KAT14: variants seen among roughly 807,000 people sequenced by gnomAD.
KAT14 encodes the protein lysine acetyltransferase 14, also known as cysteine-rich protein 2-binding protein.
KAT14 carries 66 observed loss-of-function variants against 78.4 expected under a neutral mutation model. The ratio of observed to expected loss-of-function variants is 0.84; its 90% CI spans 0.69 to 1.03. The LOEUF (loss-of-function observed/expected upper bound fraction) is 1.03. Ranked by LOEUF, KAT14 falls within the 50% of genes least tolerant of loss-of-function variation. KAT14 has a pLI of 0.00. For synonymous variants in KAT14, 344 were observed against 359.4 expected, an observed-to-expected ratio of 0.96 and a Z score of 0.48; for missense variants, 870 against 972.5, an observed-to-expected ratio of 0.89 and a Z score of 1.40.
rs201858697 is a variant in KAT14, at chr20:18,143,615, A to ATTTTTTTTTTTTTTTTTTTTTT, written c.259+707_259+708insTTTTTTTTTTTTTTTTTTTTTT. Among the ~76,000 whole-genome samples, 3 of 103,998 alleles carry ATTTTTTTTTTTTTTTTTTTTTT rather than the reference A, an allele frequency of 2.9e-5. 1 individual carries two copies. Among genetic ancestry groups the ATTTTTTTTTTTTTTTTTTTTTT allele is most frequent in the African/African-American group, 3.6e-5 (1 of 27,488 alleles). The allele number at this position is 103,998 out of a possible 152,430, so 68.2% of individuals were successfully genotyped here. ...TAGTGTTTGCCAGCACACCTGGCTA[A>ATTTTTTTTTTTTTTTTTTTTTT]TTTTTTTTTTTATTTTATTTTTTTT... On this transcript the variant is annotated intron_variant, in intron 2 of 10. Coordinates refer to ENST00000688188, the MANE Select transcript of KAT14 (RefSeq NM_001392073.1).
chr20:18,175,798 C>T (rs1044245522), intron 7 of KAT14, among the ~76,000 whole-genome samples: 1 of 151,578 alleles, frequency 6.6e-6, no homozygotes, highest in African/African-American at 2.4e-5. Context: ...GCAGGCAGAT[C>T]ACTTGAGCTC....
At chr20:18,146,513 G>A (rs922177166) in intron 3 of KAT14, among the ~76,000 whole-genome samples, 1 of 152,140 alleles carries the variant, frequency 6.6e-6, no homozygotes, top group African/African-American at 2.4e-5. Context: ...TACAAAATTA[G>A]CTGGGTGCGG....
intron 1 of KAT14, among the ~76,000 whole-genome samples, chr20:18,140,166 G>A (rs2037475513): frequency 6.6e-6 from 1 of 151,146 alleles, no homozygotes; most frequent in Admixed American, 6.6e-5. Context: ...TGATTCTGGT[G>A]AATGGTGTGG....
chr20:18,178,112 A>AAC (rs777378380), intron 7 of KAT14, among the ~76,000 whole-genome samples: 1,282 of 115,034 alleles, frequency 0.011, 8 homozygotes, highest in Non-Finnish European at 0.015. Flanking sequence ...TATCTCAAAA[A>AAC]AAAAACAAAA....
intron 1 of KAT14, among the ~76,000 whole-genome samples, chr20:18,141,113 A>G (rs533015701): frequency 1.9e-4 from 27 of 144,864 alleles, no homozygotes; most frequent in Non-Finnish European, 3.1e-4. Flanking sequence ...TTCTGAGCTC[A>G]AGCAGTCTGC....
chr20:18,140,671 G>C (rs2037500115), intron 1 of KAT14, among the ~76,000 whole-genome samples: 2 of 151,838 alleles, frequency 1.3e-5, no homozygotes, highest in South Asian at 4.2e-4. Flanking sequence ...AATTAGCCAG[G>C]CCTGGTGGCG....
intron 7 of KAT14, among the ~76,000 whole-genome samples, chr20:18,174,704 C>T (rs2146493207): frequency 6.7e-6 from 1 of 149,136 alleles, no homozygotes; most frequent in East Asian, 2.0e-4. Context: ...ACTGTTGTCG[C>T]CCAGGCTGGA....
At chr20:18,144,400 G>T (rs1262521943) in intron 2 of KAT14, among the ~76,000 whole-genome samples, 3 of 152,134 alleles carry the variant, frequency 2.0e-5, no homozygotes, top group Admixed American at 2.0e-4. Flanking sequence ...TTTGCAGTTA[G>T]GGTGAACTTA....
Position 18,162,065 on chromosome 20 carries a change from A to AT in KAT14, c.927dup (p.Asp310Ter), listed in dbSNP as rs2038447822. 6.2e-7 allele frequency: 1 copy of AT among 1,614,200 alleles called. No individual in the cohort carries two copies. The highest frequency in any genetic ancestry group is 1.7e-5 in the Admixed American group (1 of 60,018). ...TGTGATTCTGGAAAAAGGCGAAGTGATTGACTTTTCCTCCTTGAGCTCCTC... is the reference window on the plus strand; with the variant it reads ...TGTGATTCTGGAAAAAGGCGAAGTGATTTGACTTTTCCTCCTTGAGCTCCTC... On this transcript the variant is annotated frameshift_variant, in exon 6 of 11. Transcript: ENST00000688188. LOFTEE classifies it high-confidence loss of function.
intron 1 of KAT14, among the ~76,000 whole-genome samples, chr20:18,139,118 CTG>C (rs1048172485): frequency 9.2e-5 from 14 of 152,078 alleles, no homozygotes; most frequent in Non-Finnish European, 1.6e-4. Context: ...TGTTCACAGA[CTG>C]TGGAAATTAG....
intron 7 of KAT14, among the ~76,000 whole-genome samples, chr20:18,178,795 C>A (rs933305055): frequency 6.6e-6 from 1 of 152,080 alleles, no homozygotes; most frequent in African/African-American, 2.4e-5. Context: ...ACTAAAAAAC[C>A]AATCATGCCT....
At chr20:18,172,587 C>G (rs1189973672) in intron 7 of KAT14, among the ~76,000 whole-genome samples, 1 of 152,134 alleles carries the variant, frequency 6.6e-6, no homozygotes, top group Non-Finnish European at 1.5e-5. Context: ...TTTTTATATG[C>G]ACTGGGACAC....
intron 3 of KAT14, among the ~76,000 whole-genome samples, chr20:18,148,856 C>CACCTCAG (rs1435196753): frequency 1.3e-5 from 2 of 151,742 alleles, no homozygotes; most frequent in African/African-American, 4.8e-5. Context: ...GTGATTCACC[C>CACCTCAG]ACCTCAGCCT....
intron 5 of KAT14, 75 bp downstream of exon 5, chr20:18,159,340 T>G (rs1039246992): frequency 2.0e-6 from 3 of 1,523,508 alleles, no homozygotes; most frequent in Non-Finnish European, 2.6e-6. Context: ...GAGACGCTCC[T>G]GCTTCCACTG....
At chr20:18,166,699 C>T (rs1261185041) in intron 7 of KAT14, among the ~76,000 whole-genome samples, 3 of 152,204 alleles carry the variant, frequency 2.0e-5, no homozygotes, top group Non-Finnish European at 2.9e-5. Context: ...TTCTTTTGCC[C>T]TCCTCTGTAT....
In KAT14 at chr20:18,161,943, A is replaced by G; in HGVS notation, c.803A>G (p.Lys268Arg). 2 of 1,614,270 alleles carry G rather than the reference A, an allele frequency of 1.2e-6. No homozygotes were observed. Among genetic ancestry groups the G allele is most frequent in the Non-Finnish European group, 1.7e-6 (2 of 1,180,050 alleles). Residue 268 changes from lysine (K) to arginine (R), a missense_variant, in exon 6 of 11, where the codon AAA becomes AGA. Coordinates refer to ENST00000688188, the MANE Select transcript of KAT14 (RefSeq NM_001392073.1). ...KEKRSRTQEA[K>R]DIRRAQKEAA... ...AAAAGGTCTCGAACTCAGGAAGCAAAAGACATTAGAAGAGCCCAGAAGGAG... is the reference window on the plus strand; with the variant it reads ...AAAAGGTCTCGAACTCAGGAAGCAAGAGACATTAGAAGAGCCCAGAAGGAG...
At position 18,159,874 on chromosome 20, in the gene KAT14, CT is replaced by C. The variant is rs528835894; in HGVS notation, c.682+613del. ...TGATCTGGTTTTATAATCTAAAAAG[CT>C]TTTAATGAGCTTTTAAATTTTTATA... On this transcript the variant is annotated intron_variant, in intron 5 of 10. Transcript: ENST00000688188. Among the ~76,000 whole-genome samples the C allele has an allele frequency of 2.7e-3, 405 of 152,262 alleles. 2 individuals carry two copies. The highest frequency in any genetic ancestry group is 9.2e-3 in the African/African-American group (382 of 41,564).
At chr20:18,140,412 G>A (rs2037486338) in intron 1 of KAT14, among the ~76,000 whole-genome samples, 1 of 152,078 alleles carries the variant, frequency 6.6e-6, no homozygotes, top group Admixed American at 6.6e-5. Flanking sequence ...ATTATATTAG[G>A]TGAGTTTTTA....
At position 18,142,709 on chromosome 20, in the gene KAT14, G is replaced by A. The variant is rs762084114; in HGVS notation, c.49G>A (p.Glu17Lys). The change falls in exon 2 of 11, where the codon GAA (glutamate) becomes AAA (lysine). Residue 17 changes from glutamate (E) to lysine (K), a missense_variant. Physicochemically the swap from Glu to Lys is moderately conservative, Grantham distance 56 (BLOSUM62 1). Coordinates refer to ENST00000688188, the MANE Select transcript of KAT14 (RefSeq NM_001392073.1). ...LSSLISRHDD[E>K]ATRTSTSEGL... ...TAGTCTGATCAGTCGGCATGATGAC[G>A]AAGCCACGAGAACATCGACCTCAGA... 5.0e-6 allele frequency: 8 copies of A among 1,614,202 alleles called. No homozygotes were observed. The highest frequency in any genetic ancestry group is 1.1e-5 in the South Asian group (1 of 91,084).
Sources: gnomAD v4.1 joint callset for allele counts (sites outside exome capture counted in the v4.1 genomes callset) on GRCh38, gnomAD v4.1.1 for gene constraint, MANE v1.5 for transcripts, NCBI Gene and HGNC (gene_info 2026-07-23, HGNC 2026-07-21) for gene names.